RBFOX1: variants seen among roughly 807,000 people sequenced by gnomAD.
RBFOX1 encodes RNA binding fox-1 homolog 1.
In RBFOX1, 8 loss-of-function variants were observed where a neutral mutation model predicts 57.7. The observed-to-expected ratio is 0.14, with a 90% CI of 0.08 to 0.25. The LOEUF is 0.25. Among genes scored for constraint, RBFOX1 ranks in the 10% least tolerant of loss-of-function variants. RBFOX1 has a pLI of 1.00. For missense variants in RBFOX1, 611 were observed against 548.5 expected, an observed-to-expected ratio of 1.11 and a Z score of -1.14; for synonymous variants, 326 against 222.4, an observed-to-expected ratio of 1.47 and a Z score of -4.15.
At chr16:6,906,666 G>T (rs2070049491) in intron 3 of RBFOX1, among the ~76,000 whole-genome samples, 1 of 151,826 alleles carries the variant, frequency 6.6e-6, no homozygotes, top group African/African-American at 2.4e-5. Flanking sequence ...GAACTCTTGG[G>T]ACTTAAAAAG....
chr16:5,862,257 T>G (rs923375437), intron 3 of RBFOX1, among the ~76,000 whole-genome samples: 2 of 152,208 alleles, frequency 1.3e-5, no homozygotes, highest in African/African-American at 4.8e-5. Context: ...CGTGTTTACC[T>G]GGAATGCCAG....
intron 3 of RBFOX1, among the ~76,000 whole-genome samples, chr16:5,818,462 C>G (rs763851021): frequency 3.9e-5 from 6 of 152,256 alleles, no homozygotes; most frequent in Non-Finnish European, 7.4e-5. Flanking sequence ...TTTACTCAGT[C>G]AATAAGTTTT....
At chr16:5,467,399 CAAG>C (rs1249068920) in intron 2 of RBFOX1, 1 of 713,724 alleles carries the variant, frequency 1.4e-6, no homozygotes, top group Non-Finnish European at 2.2e-6. Flanking sequence ...CATCCCTTAG[CAAG>C]AAGGTCACTA....
chr16:7,603,235 A>C (rs1337902864), intron 9 of RBFOX1, among the ~76,000 whole-genome samples: 1 of 152,218 alleles, frequency 6.6e-6, no homozygotes, highest in Non-Finnish European at 1.5e-5. Context: ...AGACATAATC[A>C]GAGCCAAAAA....
In RBFOX1 at chr16:7,543,940, C is replaced by T. The variant is rs9928661; in HGVS notation, c.270+25551C>T. Among the ~76,000 whole-genome samples, 262 of 152,160 alleles carry T rather than the reference C, an allele frequency of 1.7e-3. 2 individuals carry two copies. The highest frequency in any genetic ancestry group is 6.2e-3 in the African/African-American group (256 of 41,512). On this transcript the variant is annotated intron_variant, in intron 5 of 15. Coordinates refer to ENST00000550418, the MANE Select transcript of RBFOX1 (RefSeq NM_018723.4). ...TTCACCATGTTGGCCAGGATGGTCT[C>T]GATCTCCTAACTTCATGACCCACCT...
intron 4 of RBFOX1, among the ~76,000 whole-genome samples, chr16:7,098,635 T>C (rs1182164557): frequency 3.3e-5 from 5 of 152,122 alleles, no homozygotes; most frequent in African/African-American, 1.2e-4. Flanking sequence ...TATGGGGATA[T>C]AGGACATTAG....
intron 4 of RBFOX1, among the ~76,000 whole-genome samples, chr16:5,956,651 TATATA>T (rs1168597947): frequency 3.5e-5 from 3 of 84,788 alleles, no homozygotes; most frequent in Middle Eastern, 5.4e-3. Flanking sequence ...TATATATATA[TATATA>T]TTTATATATA....
In RBFOX1 at chr16:6,910,004, T is replaced by G. The variant is rs370381464; in HGVS notation, c.-15-142053T>G. The stretch of plus-strand genomic sequence containing the variant: ...CAGATCTCTCTTGAAAGGTGTTGTT[T>G]GTTTGGTTTGTTTACCTCTTGTTCA... On this transcript the variant is annotated intron_variant, in intron 3 of 15. Transcript: ENST00000550418. 4.1e-4 allele frequency among the ~76,000 whole-genome samples: 63 copies of G among 152,154 alleles called. 1 individual carries two copies. The highest frequency in any genetic ancestry group is 1.4e-3 in the African/African-American group (60 of 41,518).
At chr16:6,492,452 C>T (rs961259971) in intron 2 of RBFOX1, among the ~76,000 whole-genome samples, 4 of 152,076 alleles carry the variant, frequency 2.6e-5, no homozygotes, top group Non-Finnish European at 5.9e-5. Flanking sequence ...CCTGTTAGTC[C>T]CAGCTATTCA....
At position 6,274,636 on chromosome 16, in the gene RBFOX1, C is replaced by T. The variant is rs574298012; in HGVS notation, c.-126-42359C>T. ...CTTGACTGTATTAGCGCTATCATCA[C>T]GCAATCCCCTGATATCATACTATGG... is the stretch of plus-strand genomic sequence containing the variant. On this transcript the variant is annotated intron_variant, in intron 1 of 15. Coordinates refer to ENST00000550418, the MANE Select transcript of RBFOX1 (RefSeq NM_018723.4). Among the ~76,000 whole-genome samples the T allele has an allele frequency of 5.3e-5, 8 of 152,278 alleles. No individual in the cohort carries two copies. The South Asian group carries it at 1.2e-3, about 24-fold the overall frequency.
At chr16:7,032,803 C>G (rs1013009099) in intron 3 of RBFOX1, among the ~76,000 whole-genome samples, 1 of 152,236 alleles carries the variant, frequency 6.6e-6, no homozygotes, top group Middle Eastern at 3.4e-3. Context: ...TCTACCTGAA[C>G]TAAAAATGCG....
intron 5 of RBFOX1, among the ~76,000 whole-genome samples, chr16:7,561,750 G>A (rs1024615820): frequency 2.6e-5 from 4 of 152,326 alleles, no homozygotes; most frequent in Middle Eastern, 3.4e-3. Flanking sequence ...AGGGAGATCA[G>A]TGCCATCTTA....
At chr16:5,390,835 C>G (rs927297118) in intron 1 of RBFOX1, among the ~76,000 whole-genome samples, 1 of 152,106 alleles carries the variant, frequency 6.6e-6, no homozygotes, top group African/African-American at 2.4e-5. Flanking sequence ...GCATGTGATG[C>G]TGAAGCTGTG....
chr16:7,578,501 G>A (rs2093503729), intron 5 of RBFOX1, among the ~76,000 whole-genome samples: 1 of 152,194 alleles, frequency 6.6e-6, no homozygotes, highest in Middle Eastern at 3.2e-3. Flanking sequence ...CAGGGCTGAT[G>A]AGAAACTTGC....
intron 4 of RBFOX1, among the ~76,000 whole-genome samples, chr16:7,356,796 G>C (rs2097221899): frequency 6.6e-6 from 1 of 152,224 alleles, no homozygotes; most frequent in Admixed American, 6.5e-5. Flanking sequence ...CTTTTCCAGT[G>C]ATGGAAGGAA....
chr16:6,504,314 G>C (rs1227032235), intron 2 of RBFOX1, among the ~76,000 whole-genome samples: 1 of 152,192 alleles, frequency 6.6e-6, no homozygotes, highest in Non-Finnish European at 1.5e-5. Context: ...AGTGCATCCA[G>C]CTTCAACTTC....
rs1478163167 is a variant in RBFOX1 at position 7,029,231 on chromosome 16, TATAC to T, written c.-15-22825_-15-22822del. The stretch of plus-strand genomic sequence containing the variant: ...ATACGTATATATATACACACATATA[TATAC>T]GTATACGTATATATATACACACATA... On this transcript the variant is annotated intron_variant, in intron 3 of 15. Transcript: ENST00000550418. Among the ~76,000 whole-genome samples, 4 of 71,780 alleles carry T rather than the reference TATAC, an allele frequency of 5.6e-5. 1 individual carries two copies. Among genetic ancestry groups the T allele is most frequent in the Non-Finnish European group, 1.0e-4 (4 of 39,920 alleles). 47.1% of individuals were successfully genotyped at this position (71,780 alleles called of 152,430 possible). A position where few individuals can be genotyped will look rare whatever the true frequency, so the allele number is the denominator to read the frequency against.
At chr16:6,907,646 C>T (rs1269992609) in intron 3 of RBFOX1, among the ~76,000 whole-genome samples, 2 of 152,202 alleles carry the variant, frequency 1.3e-5, no homozygotes, top group East Asian at 1.9e-4. Context: ...TCTTGGCTCA[C>T]TGCAGCCTCT....
At chr16:7,375,487 C>G (rs936283580) in intron 4 of RBFOX1, among the ~76,000 whole-genome samples, 2 of 150,826 alleles carry the variant, frequency 1.3e-5, no homozygotes, top group Middle Eastern at 3.4e-3. Context: ...CCATGTGTTA[C>G]GAGAGGTTTT....
Sources: gnomAD v4.1 joint callset for allele counts (sites outside exome capture counted in the v4.1 genomes callset) on GRCh38, gnomAD v4.1.1 for gene constraint, MANE v1.5 for transcripts, NCBI Gene and HGNC (gene_info 2026-07-23, HGNC 2026-07-21) for gene names.